Variants in IFT81 observed in about 807,000 individuals in gnomAD.
IFT81 encodes intraflagellar transport 81, also known as intraflagellar transport protein 81 homolog.
In IFT81, 72 loss-of-function variants were observed where a neutral mutation model predicts 102.6. The ratio of observed to expected loss-of-function variants is 0.70; its 90% confidence interval spans 0.58 to 0.85. The LOEUF (loss-of-function observed/expected upper bound fraction) is 0.85, where lower values mean the gene tolerates loss of function less well. Ranked by LOEUF, IFT81 falls within the 40% of genes least tolerant of loss-of-function variation. The pLI, the probability that IFT81 is intolerant of heterozygous loss-of-function variation, is 0.00. For synonymous variants in IFT81, 237 were observed against 242.7 expected, an observed-to-expected ratio of 0.98 and a Z score of 0.22; for missense variants, 723 against 787.3, an observed-to-expected ratio of 0.92 and a Z score of 0.98.
chr12:110,207,318 C>T (rs1868771588), intron 17 of IFT81, among the ~76,000 whole-genome samples: 2 of 152,146 alleles, frequency 1.3e-5, no homozygotes, highest in Admixed American at 6.5e-5. Flanking sequence ...CCTCAGCCTC[C>T]CAGAGTGCTG....
chr12:110,154,269 A>G (rs913812854), intron 10 of IFT81, among the ~76,000 whole-genome samples: 2 of 151,222 alleles, frequency 1.3e-5, no homozygotes, highest in East Asian at 2.0e-4. Flanking sequence ...AGAGCTTGCA[A>G]TGAGCCGAGA....
At chr12:110,135,260 C>A in intron 6 of IFT81, 67 bp from the exon 7 acceptor site, 2 of 969,446 alleles carry the variant, frequency 2.1e-6, no homozygotes, top group Non-Finnish European at 3.2e-6. Context: ...ATGTCTGAGT[C>A]ACATGACATG....
At chr12:110,166,940 A>T (rs1896466282) in intron 11 of IFT81, among the ~76,000 whole-genome samples, 1 of 152,066 alleles carries the variant, frequency 6.6e-6, no homozygotes, top group East Asian at 1.9e-4. Flanking sequence ...ATTTAGGAAC[A>T]TAATGTTAAT....
chr12:110,140,190 G>A (rs1239836355), intron 8 of IFT81, among the ~76,000 whole-genome samples: 1 of 152,062 alleles, frequency 6.6e-6, no homozygotes, highest in Non-Finnish European at 1.5e-5. Flanking sequence ...TGCCATGGTG[G>A]TTTGCTGCAC....
rs1014223719 is a variant in IFT81 at position 110,157,732 on chromosome 12, A to G, written c.1042-5187A>G. ...TTTTCTTCAATATTTTTCTCTTCCT[A>G]TTTCTCAGACTTGATAATTTCTATT... On this transcript the variant is annotated intron_variant, in intron 10 of 18. Coordinates refer to ENST00000242591, the MANE Select transcript of IFT81 (RefSeq NM_014055.4). 2.6e-5 allele frequency among the ~76,000 whole-genome samples: 4 copies of G among 151,996 alleles called. 1 individual carries two copies. Among genetic ancestry groups the G allele is most frequent in the Non-Finnish European group, 5.9e-5 (4 of 68,010 alleles).
chr12:110,208,107 G>A lies in IFT81; in HGVS notation c.1803-1064G>A, dbSNP rs187356423. ...ATTAAGCCATATTCTTTTCCCATGC[G>A]TTTGCTGATACATCTGTATATATGT... On this transcript the variant is annotated intron_variant, in intron 17 of 18. Coordinates refer to ENST00000242591, the MANE Select transcript of IFT81 (RefSeq NM_014055.4). 3.4e-4 allele frequency among the ~76,000 whole-genome samples: 51 copies of A among 152,082 alleles called. No homozygotes were observed. In the East Asian group the frequency reaches 7.9e-3, roughly 24 times the overall value.
At chr12:110,152,943 C>G (rs1030715516) in intron 10 of IFT81, among the ~76,000 whole-genome samples, 20 of 152,286 alleles carry the variant, frequency 1.3e-4, no homozygotes, top group African/African-American at 4.6e-4. Context: ...TATTTTCTCC[C>G]ATTCTGTGTG....
intron 7 of IFT81, among the ~76,000 whole-genome samples, chr12:110,136,081 A>G (rs1894492037): frequency 6.6e-6 from 1 of 152,162 alleles, no homozygotes; most frequent in Admixed American, 6.5e-5. Context: ...TTCCAGGGCT[A>G]TGAGACCATT....
intron 12 of IFT81, among the ~76,000 whole-genome samples, chr12:110,187,070 TAATTC>T (rs1215817302): frequency 3.9e-5 from 6 of 152,220 alleles, no homozygotes; most frequent in Admixed American, 3.9e-4. Flanking sequence ...GTCTGTTATT[TAATTC>T]ATTTGTTGAA....
chr12:110,170,675 G>A (rs1324934469), intron 11 of IFT81, among the ~76,000 whole-genome samples: 1 of 152,126 alleles, frequency 6.6e-6, no homozygotes, highest in Non-Finnish European at 1.5e-5. Flanking sequence ...CTCCAGTTAA[G>A]GTTCCACTGG....
At chr12:110,182,283 G>T (rs1040591960) in intron 12 of IFT81, among the ~76,000 whole-genome samples, 2 of 152,096 alleles carry the variant, frequency 1.3e-5, no homozygotes, top group Non-Finnish European at 2.9e-5. Context: ...CTAGTTGGTC[G>T]CAATTTCTAG....
intron 11 of IFT81, chr12:110,171,778 A>G (rs1249313429): frequency 6.6e-6 from 1 of 152,226 alleles, no homozygotes; most frequent in Admixed American, 6.5e-5. Context: ...GGAGCGTGAC[A>G]TGATGGCCTT....
At chr12:110,129,152 C>T (rs372762443) in intron 4 of IFT81, 22 bp downstream of exon 4, 55 of 1,519,130 alleles carry the variant, frequency 3.6e-5, no homozygotes, top group East Asian at 2.6e-4. Context: ...ATAAATGGTA[C>T]ATTGAAACTG....
At chr12:110,135,491 A>G in intron 7 of IFT81, 54 bp downstream of exon 7, 1 of 1,021,826 alleles carries the variant, frequency 9.8e-7, no homozygotes, top group South Asian at 1.4e-5. Context: ...TCCTTCTCAT[A>G]ATCCAAATGT....
chr12:110,169,057 CTT>C (rs1896603909), intron 11 of IFT81: 2 of 147,658 alleles, frequency 1.4e-5, no homozygotes, highest in East Asian at 2.0e-4. Flanking sequence ...TCCTTCCTTC[CTT>C]CCTTCCTTCC....
At position 110,180,562 on chromosome 12, in the gene IFT81, A is replaced by T. The variant is rs771906683; in HGVS notation, c.1329A>T (p.Gln443His). The change falls in exon 12 of 19, where the codon CAA (glutamine) becomes CAT (histidine). Residue 443 changes from glutamine (Q) to histidine (H), a missense_variant. Physicochemically the swap from Gln to His is conservative, Grantham distance 24. Transcript: ENST00000242591. ...ELLKQRHENI[Q>H]QQLQTMEEKK... ...TTAAGCAACGTCATGAAAATATTCA[A>T]CAACAACTGGTAATACAGTATTATC... 5 of 1,603,360 alleles carry T rather than the reference A, an allele frequency of 3.1e-6. No individual in the cohort carries two copies. In the South Asian group the frequency reaches 4.5e-5, roughly 14 times the overall value.
At chr12:110,211,574 TACC>T (rs1280417747) in intron 18 of IFT81, among the ~76,000 whole-genome samples, 2 of 152,170 alleles carry the variant, frequency 1.3e-5, no homozygotes, top group East Asian at 3.9e-4. Context: ...GTAGAAAACA[TACC>T]ATATTCCTCC....
At chr12:110,212,257 A>AG (rs929814002) in intron 18 of IFT81, among the ~76,000 whole-genome samples, 25 of 151,856 alleles carry the variant, frequency 1.6e-4, no homozygotes, top group Admixed American at 1.3e-4. Flanking sequence ...AAAAAAAAAA[A>AG]AAACTTGGCT....
intron 18 of IFT81, among the ~76,000 whole-genome samples, chr12:110,211,364 AC>A (rs1869420426): frequency 6.6e-6 from 1 of 151,528 alleles, no homozygotes; most frequent in African/African-American, 2.4e-5. Flanking sequence ...TTTTTGGAGA[AC>A]TAGAAAGGCA....
Sources: allele counts gnomAD v4.1 joint callset (sites outside exome capture counted in the v4.1 genomes callset), GRCh38; gene constraint gnomAD v4.1.1; transcripts MANE v1.5; gene names NCBI Gene and HGNC (gene_info 2026-07-23, HGNC 2026-07-21).